The following SVEP1 variants were observed in gnomAD, a reference collection of about 807,000 sequenced individuals.
The protein encoded by SVEP1 is sushi, von Willebrand factor type A, EGF and pentraxin domain containing 1, also known as sushi, von Willebrand factor type A, EGF and pentraxin domain-containing protein 1.
In SVEP1, 164 loss-of-function variants were observed where a neutral mutation model predicts 367.3. That is an observed-to-expected ratio of 0.45 (90% CI 0.39 to 0.51). The LOEUF is 0.51. Among genes scored for constraint, SVEP1 ranks in the 20% least tolerant of loss-of-function variants. SVEP1 has a pLI of 0.00. For synonymous variants in SVEP1, 1,666 were observed against 1,611.6 expected (o/e 1.03, Z -0.81); for missense variants, 4,117 against 4,425.3 (o/e 0.93, Z 1.98).
At chr9:110,566,008 ATT>A (rs1470468200) in intron 1 of SVEP1, among the ~76,000 whole-genome samples, 1 of 151,970 alleles carries the variant, frequency 6.6e-6, no homozygotes, top group Non-Finnish European at 1.5e-5. Context: ...CTTCATCTGC[ATT>A]TTGGTAATAA....
At chr9:110,451,985 A>G (rs903259710) in intron 22 of SVEP1, among the ~76,000 whole-genome samples, 1 of 152,194 alleles carries the variant, frequency 6.6e-6, no homozygotes, top group African/African-American at 2.4e-5. Flanking sequence ...CAGGCACAGA[A>G]ATGAGCCTAG....
rs1250865440 is a variant in SVEP1, at chr9:110,483,665, G to A, written c.1959C>T (p.Cys653=). ...IDAEPPVIDW[C]RSPPPVQVSE... Reference sequence around the variant, plus strand: ...AGACCTGGACGGGAGGTGGAGATCTGCACCAGTCTATGACAGGTGGTTCTG... The same window carrying A: ...AGACCTGGACGGGAGGTGGAGATCTACACCAGTCTATGACAGGTGGTTCTG... The change falls in exon 10 of 48, where the codon TGC becomes TGT. Residue 653 remains cysteine, a synonymous_variant. Transcript: ENST00000374469. 6.2e-7 allele frequency: 1 copy of A among 1,607,536 alleles called. No individual in the cohort carries two copies. Among genetic ancestry groups the A allele is most frequent in the Non-Finnish European group, 8.5e-7 (1 of 1,176,712 alleles).
At chr9:110,394,897 G>T (rs1371953529) in intron 40 of SVEP1, among the ~76,000 whole-genome samples, 5 of 152,128 alleles carry the variant, frequency 3.3e-5, no homozygotes, top group African/African-American at 7.2e-5. Flanking sequence ...GAAAGTGATG[G>T]GGAGAATGGA....
At chr9:110,394,617 G>A (rs563916839) in intron 40 of SVEP1, among the ~76,000 whole-genome samples, 18 of 152,228 alleles carry the variant, frequency 1.2e-4, no homozygotes, top group Middle Eastern at 3.4e-3. Flanking sequence ...AAAATTAGAC[G>A]AATGGATAAC....
At chr9:110,559,585 G>A (rs1830398691) in intron 1 of SVEP1, among the ~76,000 whole-genome samples, 4 of 151,822 alleles carry the variant, frequency 2.6e-5, no homozygotes, top group Admixed American at 2.6e-4. Context: ...AAATACATAG[G>A]AAAACAGATA....
intron 27 of SVEP1, among the ~76,000 whole-genome samples, chr9:110,439,360 T>C (rs1034915536): frequency 6.6e-6 from 1 of 152,148 alleles, no homozygotes; most frequent in African/African-American, 2.4e-5. Flanking sequence ...ACTTCTAGCC[T>C]GCAGGACTAC....
At chr9:110,369,706 C>A (rs972984203) in intron 47 of SVEP1, 16 of 529,906 alleles carry the variant, frequency 3.0e-5, no homozygotes, top group Non-Finnish European at 3.0e-5. Context: ...CACAAGACTG[C>A]TTATTTTTGA....
chr9:110,556,813 G>C (rs1334772605), intron 1 of SVEP1, among the ~76,000 whole-genome samples: 3 of 151,922 alleles, frequency 2.0e-5, no homozygotes, highest in African/African-American at 7.3e-5. Context: ...TAAAGAACTT[G>C]ATCAATCTTG....
At chr9:110,463,079 A>G (rs1051819490) in intron 18 of SVEP1, among the ~76,000 whole-genome samples, 3 of 152,096 alleles carry the variant, frequency 2.0e-5, no homozygotes, top group Non-Finnish European at 4.4e-5. Flanking sequence ...TAAATAAATC[A>G]GTTTCCTAAG....
intron 1 of SVEP1, among the ~76,000 whole-genome samples, chr9:110,563,473 T>C (rs1412465904): frequency 6.6e-6 from 1 of 152,192 alleles, no homozygotes; most frequent in Non-Finnish European, 1.5e-5. Context: ...GTAAAGACTT[T>C]TAATGGTTAC....
At chr9:110,548,655 AT>A (rs1022941910) in intron 2 of SVEP1, among the ~76,000 whole-genome samples, 1 of 152,144 alleles carries the variant, frequency 6.6e-6, no homozygotes, top group African/African-American at 2.4e-5. Flanking sequence ...TAAAAATTAG[AT>A]TTCATTAAGT....
Position 110,407,574 on chromosome 9 carries a change from G to A in SVEP1, c.8026C>T (p.Leu2676=). 1.9e-6 allele frequency: 3 copies of A among 1,614,004 alleles called. No individual in the cohort carries two copies. Among genetic ancestry groups the A allele is most frequent in the Non-Finnish European group, 2.5e-6 (3 of 1,179,892 alleles). Residue 2676 remains leucine (L), a synonymous_variant, in exon 38 of 48, where the codon CTG becomes TTG. Transcript: ENST00000374469. ...ESPATHSSNF[L]YGTMVSYTCN... is the part of the protein sequence containing the mutation. ...GTGTATGAAACCATGGTACCATACAGAAAGTTTGATGAATGTGTAGCAGGA... is the reference window on the plus strand; with the variant it reads ...GTGTATGAAACCATGGTACCATACAAAAAGTTTGATGAATGTGTAGCAGGA...
chr9:110,539,605 G>T (rs1830119341), intron 3 of SVEP1, among the ~76,000 whole-genome samples: 1 of 85,590 alleles, frequency 1.2e-5, no homozygotes, highest in Admixed American at 1.6e-4. Context: ...ATACTTAACA[G>T]ATTTTTAAAG....
chr9:110,374,835 C>G (rs1564121901), intron 46 of SVEP1, among the ~76,000 whole-genome samples: 1 of 152,042 alleles, frequency 6.6e-6, no homozygotes. Flanking sequence ...GGGTATATAC[C>G]CAAGATAATA....
chr9:110,430,522 A>T lies in SVEP1; in HGVS notation c.5354-72T>A, dbSNP rs147946647. The T allele has an allele frequency of 7.0e-4, 1,022 of 1,456,648 alleles. 18 individuals are homozygous for T. The East Asian group carries it at 0.024, about 34-fold the overall frequency. The allele number at this position is 1,456,648 out of a possible 1,614,324, so 90.2% of individuals were successfully genotyped here. A position where few individuals can be genotyped will look rare whatever the true frequency, so the allele number is the denominator to read the frequency against. On this transcript the variant is annotated intron_variant, in intron 32 of 47. Transcript: ENST00000374469. Reference sequence around the variant, plus strand: ...CCATGCAAAGTCTCACAGCAAAAGAATTCCACTATAGTTAAGAAACCTGTT... The same window carrying T: ...CCATGCAAAGTCTCACAGCAAAAGATTTCCACTATAGTTAAGAAACCTGTT...
At chr9:110,414,278 T>C (rs930522725) in intron 36 of SVEP1, among the ~76,000 whole-genome samples, 2 of 152,054 alleles carry the variant, frequency 1.3e-5, no homozygotes, top group Non-Finnish European at 2.9e-5. Flanking sequence ...TCATCCTAAC[T>C]GACAATATTT....
intron 1 of SVEP1, among the ~76,000 whole-genome samples, chr9:110,550,326 C>T (rs933190870): frequency 6.6e-6 from 1 of 152,162 alleles, no homozygotes; most frequent in African/African-American, 2.4e-5. Context: ...AACTATCATC[C>T]TCATCAACAT....
chr9:110,490,147 G>C (rs1343812374), intron 8 of SVEP1, among the ~76,000 whole-genome samples: 5 of 151,912 alleles, frequency 3.3e-5, no homozygotes, highest in African/African-American at 1.2e-4. Flanking sequence ...CATTTCCATT[G>C]TAAACAGTTT....
At chr9:110,458,588 C>A (rs1188406483) in intron 19 of SVEP1, 26 bp from the exon 20 acceptor site, 1 of 1,586,398 alleles carries the variant, frequency 6.3e-7, no homozygotes, top group South Asian at 1.1e-5. Context: ...AAAAACATGT[C>A]AGTGTGGCAA....
Sources: gnomAD v4.1 joint callset for allele counts (sites outside exome capture counted in the v4.1 genomes callset) on GRCh38, gnomAD v4.1.1 for gene constraint, MANE v1.5 for transcripts, NCBI Gene and HGNC (gene_info 2026-07-23, HGNC 2026-07-21) for gene names.